Variants in DGLUCY observed in about 807,000 individuals in gnomAD.
DGLUCY encodes D-glutamate cyclase, mitochondrial.
In DGLUCY, 58 loss-of-function variants were observed where a neutral mutation model predicts 58.5. The observed-to-expected ratio is 0.99, with a 90% CI of 0.80 to 1.23. The LOEUF (loss-of-function observed/expected upper bound fraction) is 1.23, where lower values mean the gene tolerates loss of function less well. DGLUCY is among the 50% of genes most tolerant of loss of function. The pLI, the probability that DGLUCY is intolerant of heterozygous loss-of-function variation, is 0.00. For synonymous variants in DGLUCY, 325 were observed against 314.1 expected, an observed-to-expected ratio of 1.03 and a Z score of -0.37; for missense variants, 779 against 784.7, an observed-to-expected ratio of 0.99 and a Z score of 0.09.
intron 1 of DGLUCY, among the ~76,000 whole-genome samples, chr14:91,135,421 G>A (rs530954755): frequency 1.4e-4 from 22 of 152,160 alleles, no homozygotes; most frequent in Admixed American, 7.9e-4. Context: ...AGGCCAAAGC[G>A]GGCGGATCAC....
chr14:91,061,495 G>A (rs1200215971), intron 1 of DGLUCY, among the ~76,000 whole-genome samples: 1 of 152,208 alleles, frequency 6.6e-6, no homozygotes, highest in African/African-American at 2.4e-5. Flanking sequence ...AGCAGAATTT[G>A]AAATAAAGCA....
At chr14:91,133,628 A>G (rs555071790) in intron 1 of DGLUCY, among the ~76,000 whole-genome samples, 4 of 152,058 alleles carry the variant, frequency 2.6e-5, no homozygotes, top group African/African-American at 4.8e-5. Flanking sequence ...GCCTCAAGCA[A>G]TTCTCCCGTC....
intron 1 of DGLUCY, among the ~76,000 whole-genome samples, chr14:91,149,808 A>G (rs544188235): frequency 6.6e-6 from 1 of 152,254 alleles, no homozygotes; most frequent in Admixed American, 6.5e-5. Flanking sequence ...TTGGCTAAGT[A>G]ACTAAAAGCA....
intron 11 of DGLUCY, among the ~76,000 whole-genome samples, chr14:91,202,356 G>T (rs1318491847): frequency 1.3e-5 from 2 of 152,108 alleles, no homozygotes; most frequent in Admixed American, 6.6e-5. Context: ...CCTCTGGGTG[G>T]GTCTCAGGCC....
intron 1 of DGLUCY, among the ~76,000 whole-genome samples, chr14:91,146,254 G>C (rs1281735901): frequency 1.3e-5 from 2 of 152,188 alleles, no homozygotes; most frequent in Non-Finnish European, 2.9e-5. Flanking sequence ...GGCTGAGTTG[G>C]GATCTGAACT....
chr14:91,087,564 C>T (rs1036918085), intron 1 of DGLUCY, among the ~76,000 whole-genome samples: 7 of 152,226 alleles, frequency 4.6e-5, no homozygotes, highest in Non-Finnish European at 1.0e-4. Flanking sequence ...TAGGTCATAG[C>T]CTGTTCCTCT....
At chr14:91,117,596 A>T (rs1222778589) in intron 1 of DGLUCY, among the ~76,000 whole-genome samples, 2 of 152,074 alleles carry the variant, frequency 1.3e-5, no homozygotes, top group Non-Finnish European at 2.9e-5. Flanking sequence ...GACATAGTAC[A>T]TGAAAAGTGT....
intron 9 of DGLUCY, among the ~76,000 whole-genome samples, chr14:91,193,551 T>A (rs1425592433): frequency 6.6e-6 from 1 of 152,132 alleles, no homozygotes; most frequent in Non-Finnish European, 1.5e-5. Context: ...TAGGAAAAGT[T>A]TTAAAGAGGC....
intron 1 of DGLUCY, among the ~76,000 whole-genome samples, chr14:91,120,194 C>T (rs934081204): frequency 1.3e-5 from 2 of 152,076 alleles, no homozygotes; most frequent in South Asian, 2.1e-4. Context: ...GCTGATGACT[C>T]GCAGCTCTCC....
chr14:91,180,104 G>A (rs2049085320), intron 7 of DGLUCY, among the ~76,000 whole-genome samples: 2 of 150,698 alleles, frequency 1.3e-5, no homozygotes, highest in African/African-American at 4.9e-5. Flanking sequence ...TGCCCAGGCT[G>A]GTCTTGAACT....
intron 1 of DGLUCY, among the ~76,000 whole-genome samples, chr14:91,078,195 C>T (rs941679): frequency 2.6e-5 from 4 of 151,868 alleles, no homozygotes; most frequent in Non-Finnish European, 4.4e-5. Flanking sequence ...CGCCTGGCTC[C>T]TTTTTGTATT....
intron 1 of DGLUCY, among the ~76,000 whole-genome samples, chr14:91,084,505 C>G (rs1323867544): frequency 6.6e-6 from 1 of 151,910 alleles, no homozygotes; most frequent in Admixed American, 6.6e-5. Context: ...ACGCCCAGCC[C>G]ATCTGTCTCT....
chr14:91,127,218 G>A (rs2140175016), intron 1 of DGLUCY, among the ~76,000 whole-genome samples: 1 of 152,054 alleles, frequency 6.6e-6, no homozygotes, highest in South Asian at 2.1e-4. Flanking sequence ...CACCATGCCT[G>A]GGTATTTTTT....
chr14:91,164,379 C>G (rs1230087439), intron 3 of DGLUCY, among the ~76,000 whole-genome samples: 2 of 152,194 alleles, frequency 1.3e-5, no homozygotes, highest in African/African-American at 4.8e-5. Context: ...CTTGTAATGT[C>G]CTTACTGGTT....
At chr14:91,181,475 A>C in intron 8 of DGLUCY, 86 bp downstream of exon 8, 3 of 1,354,144 alleles carry the variant, frequency 2.2e-6, no homozygotes, top group Non-Finnish European at 3.1e-6. Flanking sequence ...TCAGTGAAAA[A>C]GGTGGGATGC....
chr14:91,111,242 G>A (rs1200220665), upstream of DGLUCY, among the ~76,000 whole-genome samples: 20 of 100,736 alleles, frequency 2.0e-4, no homozygotes, highest in African/African-American at 7.3e-4. Context: ...GTGTGTGTGT[G>A]TGTGTGTATA....
intron 9 of DGLUCY, among the ~76,000 whole-genome samples, chr14:91,192,508 G>A (rs997214224): frequency 1.3e-5 from 2 of 152,136 alleles, no homozygotes; most frequent in African/African-American, 2.4e-5. Flanking sequence ...AGTGACTCAC[G>A]CCTGTAATCC....
At chr14:91,129,029 G>C (rs2045883805) in intron 1 of DGLUCY, 1 of 152,124 alleles carries the variant, frequency 6.6e-6, no homozygotes. Context: ...GCACATTCTT[G>C]GTTTGCATTC....
intron 1 of DGLUCY, among the ~76,000 whole-genome samples, chr14:91,144,377 T>C (rs2046903441): frequency 2.0e-5 from 3 of 152,146 alleles, no homozygotes; most frequent in South Asian, 4.1e-4. Flanking sequence ...CTGACCAATA[T>C]GGTGAAACCT....
Sources: gnomAD v4.1 joint callset for allele counts (sites outside exome capture counted in the v4.1 genomes callset) on GRCh38, gnomAD v4.1.1 for gene constraint, MANE v1.5 for transcripts, NCBI Gene and HGNC (gene_info 2026-07-23, HGNC 2026-07-21) for gene names.